ZDHHC13: variants seen among roughly 807,000 people sequenced by gnomAD.
The protein encoded by ZDHHC13 is zDHHC palmitoyltransferase 13.
Under a neutral mutation model 86.0 loss-of-function variants are expected in ZDHHC13, and 85 were observed. The observed-to-expected ratio is 0.99, with a 90% CI of 0.83 to 1.18. The LOEUF is 1.18. Among genes scored for constraint, ZDHHC13 ranks in the 50% most tolerant of loss-of-function variants. The pLI is 0.00. For missense variants in ZDHHC13, 711 were observed against 730.2 expected, an observed-to-expected ratio of 0.97 and a Z score of 0.30; for synonymous variants, 263 against 246.4, an observed-to-expected ratio of 1.07 and a Z score of -0.63.
intron 3 of ZDHHC13, 33 bp from the exon 4 acceptor site, chr11:19,147,563 A>G: frequency 6.5e-7 from 1 of 1,544,320 alleles, no homozygotes; most frequent in South Asian, 1.2e-5. Flanking sequence ...TTAAGTTTCA[A>G]ATCTTACTTT....
intron 1 of ZDHHC13, among the ~76,000 whole-genome samples, chr11:19,131,493 A>G (rs1025800421): frequency 6.6e-5 from 10 of 152,164 alleles, no homozygotes; most frequent in Admixed American, 5.2e-4. Flanking sequence ...TGGAACTGCA[A>G]TTATACATCT....
intron 4 of ZDHHC13, among the ~76,000 whole-genome samples, chr11:19,147,952 TTCAGTGAAGTGCAAAC>T (rs1299898457): frequency 6.6e-6 from 1 of 152,164 alleles, no homozygotes; most frequent in African/African-American, 2.4e-5. Flanking sequence ...AAAATAGTAG[TTCAGTGAAGTGCAAAC>T]TCATTCAGTT....
chr11:19,150,966 C>T (rs926004190), intron 6 of ZDHHC13, among the ~76,000 whole-genome samples, 175 bp downstream of exon 6: 1 of 151,992 alleles, frequency 6.6e-6, no homozygotes, highest in African/African-American at 2.4e-5. Context: ...AGAAAAGCAG[C>T]CTTGAAATAC....
At chr11:19,144,262 C>T (rs1255057156) in intron 2 of ZDHHC13, among the ~76,000 whole-genome samples, 2 of 152,064 alleles carry the variant, frequency 1.3e-5, no homozygotes, top group African/African-American at 4.8e-5. Context: ...TTCCCTGTTG[C>T]CCATAAAACT....
chr11:19,120,359 C>T (rs1413510407), intron 1 of ZDHHC13, among the ~76,000 whole-genome samples: 1 of 152,326 alleles, frequency 6.6e-6, no homozygotes, highest in African/African-American at 2.4e-5. Context: ...TTACATCTGG[C>T]AGTTAACTTT....
rs1042545306 is a variant in ZDHHC13, at chr11:19,145,108, C to CA, written c.174-1060dup. Among the ~76,000 whole-genome samples the CA allele has an allele frequency of 4.4e-3, 620 of 141,192 alleles. 3 individuals carry two copies. Among genetic ancestry groups the CA allele is most frequent in the East Asian group, 0.025 (123 of 4,890 alleles). 92.6% of individuals were successfully genotyped at this position (141,192 alleles called of 152,430 possible). A position where few individuals can be genotyped will look rare whatever the true frequency, so the allele number is the denominator to read the frequency against. ...TGGGCGACAAAGCAAGACTCCATCTCAAAAAAAAAAAAATATTGCTAATAA... is the reference window on the plus strand; with the variant it reads ...TGGGCGACAAAGCAAGACTCCATCTCAAAAAAAAAAAAAATATTGCTAATAA... On this transcript the variant is annotated intron_variant, in intron 2 of 16. Transcript: ENST00000446113.
At chr11:19,141,166 G>A (rs1220950272) in intron 1 of ZDHHC13, among the ~76,000 whole-genome samples, 1 of 151,820 alleles carries the variant, frequency 6.6e-6, no homozygotes, top group African/African-American at 2.4e-5. Context: ...TTTTATTAAA[G>A]TTGATTACTT....
chr11:19,155,034 C>T (rs1849718430), intron 8 of ZDHHC13, among the ~76,000 whole-genome samples: 2 of 152,202 alleles, frequency 1.3e-5, no homozygotes, highest in Non-Finnish European at 2.9e-5. Context: ...AAACATAGCT[C>T]ATCTTTTCTG....
intron 1 of ZDHHC13, among the ~76,000 whole-genome samples, chr11:19,119,397 T>G (rs1848713890): frequency 6.6e-6 from 1 of 152,218 alleles, no homozygotes. Context: ...GAGCCACCGC[T>G]CCCAGCCTGA....
chr11:19,129,945 G>A (rs542594750), intron 1 of ZDHHC13, among the ~76,000 whole-genome samples: 3 of 152,208 alleles, frequency 2.0e-5, no homozygotes, highest in East Asian at 1.9e-4. Flanking sequence ...ACAAAAAGCC[G>A]GATGTGGTGG....
intron 1 of ZDHHC13, among the ~76,000 whole-genome samples, chr11:19,119,265 C>CT (rs1305086857): frequency 3.3e-5 from 5 of 152,164 alleles, no homozygotes; most frequent in African/African-American, 1.2e-4. Flanking sequence ...TGCGGACCAC[C>CT]ACACCCTGCT....
At chr11:19,169,851 G>C (rs1047908251) in intron 14 of ZDHHC13, 1 of 985,612 alleles carries the variant, frequency 1.0e-6, no homozygotes, top group South Asian at 4.7e-5. Flanking sequence ...TATCTGTCTT[G>C]TGAGTCCCTT....
chr11:19,120,651 T>C (rs1330170705), intron 1 of ZDHHC13, among the ~76,000 whole-genome samples: 1 of 152,248 alleles, frequency 6.6e-6, no homozygotes, highest in East Asian at 1.9e-4. Context: ...CATATGTCTG[T>C]TAGATAATTT....
At chr11:19,154,325 T>C (rs940949106) in intron 8 of ZDHHC13, among the ~76,000 whole-genome samples, 1 of 152,166 alleles carries the variant, frequency 6.6e-6, no homozygotes, top group Non-Finnish European at 1.5e-5. Flanking sequence ...GAGATCCATA[T>C]TTAATTCTTA....
chr11:19,156,235 A>G (rs1849753750), intron 9 of ZDHHC13, among the ~76,000 whole-genome samples: 1 of 152,158 alleles, frequency 6.6e-6, no homozygotes, highest in Admixed American at 6.5e-5. Context: ...ATAATTATTC[A>G]AGATTTTGTA....
At chr11:19,175,353 G>A (rs1285917027) in intron 16 of ZDHHC13, among the ~76,000 whole-genome samples, 1 of 125,068 alleles carries the variant, frequency 8.0e-6, no homozygotes, top group Admixed American at 1.0e-4. Context: ...TCACGCCACT[G>A]CACTCCAGCC....
intron 13 of ZDHHC13, 74 bp downstream of exon 13, chr11:19,165,219 A>G (rs747921231): frequency 1.4e-6 from 2 of 1,422,096 alleles, no homozygotes; most frequent in Non-Finnish European, 1.9e-6. Flanking sequence ...GAAAAAGTGG[A>G]AGGGCATCCT....
intron 10 of ZDHHC13, among the ~76,000 whole-genome samples, chr11:19,160,049 C>T (rs901375510): frequency 2.0e-5 from 3 of 151,944 alleles, no homozygotes; most frequent in African/African-American, 7.3e-5. Flanking sequence ...AAAGAAAGAA[C>T]AGAATGTTTA....
chr11:19,144,651 G>A (rs533182157), intron 2 of ZDHHC13, among the ~76,000 whole-genome samples: 10 of 152,168 alleles, frequency 6.6e-5, no homozygotes, highest in Admixed American at 3.3e-4. Context: ...ACACACACAC[G>A]CGTGTATTTT....
Sources: allele counts gnomAD v4.1 joint callset (sites outside exome capture counted in the v4.1 genomes callset), GRCh38; gene constraint gnomAD v4.1.1; transcripts MANE v1.5; gene names NCBI Gene and HGNC (gene_info 2026-07-23, HGNC 2026-07-21).